Variants in RGS3 observed in about 807,000 individuals in gnomAD.
RGS3 encodes regulator of G-protein signalling 3.
RGS3 carries 80 observed loss-of-function variants against 132.6 expected under a neutral mutation model. That is an observed-to-expected ratio of 0.60 (90% confidence interval 0.50 to 0.73). The LOEUF (loss-of-function observed/expected upper bound fraction) is 0.73, where lower values mean the gene tolerates loss of function less well. Among genes scored for constraint, RGS3 ranks in the 30% least tolerant of loss-of-function variants. RGS3 has a pLI of 0.00. For synonymous variants in RGS3, 598 were observed against 620.6 expected, an observed-to-expected ratio of 0.96 and a Z score of 0.54; for missense variants, 1,382 against 1,530.8, an observed-to-expected ratio of 0.90 and a Z score of 1.62.
At chr9:113,501,760 A>G (rs1830909025) in intron 10 of RGS3, 1 of 986,194 alleles carries the variant, frequency 1.0e-6, no homozygotes, top group South Asian at 1.4e-5. Context: ...GCTCACTTGG[A>G]TATGGGGAGG....
chr9:113,584,537 G>A (rs1057328381), intron 20 of RGS3, 110 bp downstream of exon 18: 3 of 1,247,476 alleles, frequency 2.4e-6, no homozygotes, highest in Non-Finnish European at 3.2e-6. Context: ...TATCCTGGCA[G>A]CCTCCCAGCG....
At position 113,569,013 on chromosome 9, in the gene RGS3, C is replaced by T. The variant is rs138824752; in HGVS notation, c.2038-14437C>T. Among the ~76,000 whole-genome samples, 291 of 152,322 alleles carry T rather than the reference C, an allele frequency of 1.9e-3. 2 individuals carry two copies. Among genetic ancestry groups the T allele is most frequent in the Middle Eastern group, 6.8e-3 (2 of 294 alleles). The stretch of plus-strand genomic sequence containing the variant: ...CTGGCAGTGGGCCTAAGTCATCACT[C>T]GAGATGTGTGGATAGCTGCCAGGTA... On this transcript the variant is annotated intron_variant, in intron 19 of 24. Coordinates refer to ENST00000350696, the Ensembl canonical transcript of RGS3.
upstream of RGS3, among the ~76,000 whole-genome samples, chr9:113,455,799 A>C (rs115911544): frequency 1.6e-3 from 249 of 152,300 alleles, 2 homozygotes; most frequent in African/African-American, 5.5e-3. Context: ...TTAAAAGGCA[A>C]ATCCTTCATT....
chr9:113,551,649 G>A (rs533729998), intron 19 of RGS3, among the ~76,000 whole-genome samples: 1 of 152,142 alleles, frequency 6.6e-6, no homozygotes, highest in African/African-American at 2.4e-5. Context: ...CAGAGTTCAA[G>A]ACCAGCCTGG....
chr9:113,480,232 G>T (rs1162708789), intron 4 of RGS3, among the ~76,000 whole-genome samples: 3 of 152,116 alleles, frequency 2.0e-5, no homozygotes, highest in Non-Finnish European at 2.9e-5. Flanking sequence ...GCCGAGGCGG[G>T]CAGATCACGC....
intron 10 of RGS3, among the ~76,000 whole-genome samples, chr9:113,504,528 G>A (rs184738376): frequency 6.6e-5 from 10 of 152,306 alleles, no homozygotes; most frequent in African/African-American, 2.4e-4. Context: ...GAGCATAAAG[G>A]ACTGAGAATG....
In RGS3 at chr9:113,550,693, T is replaced by G. The variant is rs576502857; in HGVS notation, c.2037+13775T>G. 2.0e-5 allele frequency among the ~76,000 whole-genome samples: 3 copies of G among 152,364 alleles called. 1 individual carries two copies. The South Asian group carries it at 6.2e-4, about 32-fold the overall frequency. ...ATTACCAACATGGTATATTGTTACA[T>G]TTTTAAATAGGTTCTTTTTTTCGTT... is the stretch of plus-strand genomic sequence containing the variant. On this transcript the variant is annotated intron_variant, in intron 19 of 24. Coordinates refer to ENST00000350696, the Ensembl canonical transcript of RGS3.
rs1363380037 is a variant in RGS3 at position 113,479,334 on chromosome 9, C to T, written c.416-157C>T. 1.5e-5 allele frequency: 11 copies of T among 750,638 alleles called. No homozygotes were observed. In the South Asian group the frequency reaches 1.6e-4, roughly 11 times the overall value. 46.5% of individuals were successfully genotyped at this position (750,638 alleles called of 1,614,324 possible). A position where few individuals can be genotyped will look rare whatever the true frequency, so the allele number is the denominator to read the frequency against. On this transcript the variant is annotated intron_variant, in intron 3 of 24. Coordinates refer to ENST00000350696, the Ensembl canonical transcript of RGS3. ...CCCGATGTGGTGGGCGGGGCTGAAC[C>T]CTGTGGCTTCTGAGGTCCCTGCCAG...
At chr9:113,569,630 CTT>C (rs1588266811) in intron 19 of RGS3, among the ~76,000 whole-genome samples, 1 of 150,388 alleles carries the variant, frequency 6.6e-6, no homozygotes, top group East Asian at 2.0e-4. Flanking sequence ...TCCTTCCTTC[CTT>C]CCTTCCTTCC....
At chr9:113,528,463 C>A (rs1031182318) in intron 17 of RGS3, among the ~76,000 whole-genome samples, 2 of 152,248 alleles carry the variant, frequency 1.3e-5, no homozygotes, top group African/African-American at 4.8e-5. Context: ...CTCAACAGGG[C>A]CCTCCTTCAG....
rs555568585 is a variant in RGS3, at chr9:113,496,708, G to A, written c.751-606G>A. 3.2e-4 allele frequency among the ~76,000 whole-genome samples: 48 copies of A among 152,062 alleles called. 1 individual carries two copies. In the South Asian group the frequency reaches 8.9e-3, roughly 28 times the overall value. ...TGGGATTATAGGCATCTGCCACCAC[G>A]CCTGGCTAATTTTTGTATTTTTAGT... On this transcript the variant is annotated intron_variant, in intron 8 of 24. Transcript: ENST00000350696.
intron 17 of RGS3, among the ~76,000 whole-genome samples, chr9:113,528,105 C>A (rs952677619): frequency 2.0e-5 from 3 of 152,188 alleles, no homozygotes; most frequent in African/African-American, 7.2e-5. Flanking sequence ...GAGGGTCAAG[C>A]ATATCCATGG....
chr9:113,556,249 CT>C (rs1219231907), intron 19 of RGS3, among the ~76,000 whole-genome samples: 1 of 152,058 alleles, frequency 6.6e-6, no homozygotes, highest in Non-Finnish European at 1.5e-5. Context: ...TGTTTGTTTT[CT>C]TTTGGTAATT....
upstream of RGS3, among the ~76,000 whole-genome samples, chr9:113,457,743 T>C (rs1343316228): frequency 1.3e-5 from 2 of 152,254 alleles, no homozygotes; most frequent in Admixed American, 6.5e-5. Context: ...TAAATACAAA[T>C]GCTTGAACTT....
intron 7 of RGS3, among the ~76,000 whole-genome samples, chr9:113,487,532 A>C (rs1692419516): frequency 6.6e-6 from 1 of 152,240 alleles, no homozygotes; most frequent in Non-Finnish European, 1.5e-5. Context: ...CCAGTTAACA[A>C]TAGAGCCGGG....
At chr9:113,580,378 C>T (rs112594150) in intron 19 of RGS3, among the ~76,000 whole-genome samples, 2,299 of 152,312 alleles carry the variant, frequency 0.015, 64 homozygotes, top group African/African-American at 0.052. Context: ...CCCTCTGGGA[C>T]CCCAGGTTTC....
In RGS3 at chr9:113,587,825, G is replaced by A. The variant is rs144225487; in HGVS notation, c.3015+3398G>A. On this transcript the variant is annotated intron_variant, in intron 20 of 24. Coordinates refer to ENST00000350696, the Ensembl canonical transcript of RGS3. ...GGAGAGCCCCCTGCCCCCACTCCCC[G>A]CCATGGTTCTCCAGCTGGCCATCCC... Among the ~76,000 whole-genome samples the A allele has an allele frequency of 5.1e-4, 78 of 152,194 alleles. No homozygotes were observed. The East Asian group carries it at 0.014, about 28-fold the overall frequency.
chr9:113,496,091 A>G (rs553838594), intron 8 of RGS3, among the ~76,000 whole-genome samples: 1 of 152,196 alleles, frequency 6.6e-6, no homozygotes, highest in African/African-American at 2.4e-5. Flanking sequence ...AAGTCTTCCC[A>G]GGAGGCTCTG....
At chr9:113,572,822 G>A (rs980619545) in intron 19 of RGS3, among the ~76,000 whole-genome samples, 1 of 152,250 alleles carries the variant, frequency 6.6e-6, no homozygotes, top group Non-Finnish European at 1.5e-5. Context: ...ACCCAGCCTA[G>A]GGGCAGGCTG....
Sources: allele counts gnomAD v4.1 joint callset (sites outside exome capture counted in the v4.1 genomes callset), GRCh38; gene constraint gnomAD v4.1.1; transcripts MANE v1.5; gene names NCBI Gene and HGNC (gene_info 2026-07-23, HGNC 2026-07-21).